TOGARAM2: variants seen among roughly 807,000 people sequenced by gnomAD.
TOGARAM2 encodes TOG array regulator of axonemal microtubules 2, also known as TOG array regulator of axonemal microtubules protein 2.
A neutral mutation model predicts 93.3 loss-of-function variants in TOGARAM2; 85 were observed. The observed-to-expected ratio is 0.91, with a 90% CI of 0.76 to 1.09. TOGARAM2 has a LOEUF of 1.09. TOGARAM2 is among the 50% of genes least tolerant of loss of function. The pLI is 0.00. For synonymous variants in TOGARAM2, 593 were observed against 552.8 expected (o/e 1.07, Z -1.02); for missense variants, 1,277 against 1,334.5 (o/e 0.96, Z 0.67).
chr2:29,015,635 A>G (rs963267657), intron 8 of TOGARAM2, among the ~76,000 whole-genome samples: 2 of 152,176 alleles, frequency 1.3e-5, no homozygotes, highest in African/African-American at 4.8e-5. Context: ...AACTGCCCAC[A>G]TTGGAGTTGC....
chr2:29,008,342 A>G (rs1664012493), intron 6 of TOGARAM2, among the ~76,000 whole-genome samples: 4 of 152,050 alleles, frequency 2.6e-5, no homozygotes, highest in Non-Finnish European at 5.9e-5. Context: ...GTAGAGCTGC[A>G]GTTTCATCAC....
chr2:29,002,339 C>A (rs565790269), intron 4 of TOGARAM2, among the ~76,000 whole-genome samples, 197 bp from the exon 5 acceptor site: 35 of 152,304 alleles, frequency 2.3e-4, no homozygotes, highest in Middle Eastern at 6.8e-3. Flanking sequence ...TGGATTGGCC[C>A]TTTCTGGAAT....
chr2:28,969,329 C>A (rs2148220733), intron 1 of TOGARAM2, among the ~76,000 whole-genome samples: 1 of 152,298 alleles, frequency 6.6e-6, no homozygotes. Context: ...GGCCACACAG[C>A]ATTTGTAGCT....
At chr2:29,007,279 AGAGACAGGGAGGTT>A (rs1663941997) in intron 6 of TOGARAM2, among the ~76,000 whole-genome samples, 1 of 152,122 alleles carries the variant, frequency 6.6e-6, no homozygotes, top group South Asian at 2.1e-4. Context: ...CACCAGAGGG[AGAGACAGGGAGGTT>A]GTGCCACCAT....
chr2:29,021,446 ACCT>A, intron 10 of TOGARAM2, among the ~76,000 whole-genome samples: 1 of 152,220 alleles, frequency 6.6e-6, no homozygotes, highest in East Asian at 1.9e-4. Context: ...GGCCTCTGGG[ACCT>A]CAACTGTGTG....
intron 18 of TOGARAM2, among the ~76,000 whole-genome samples, chr2:29,040,148 A>C (rs902360657): frequency 1.3e-5 from 2 of 152,236 alleles, no homozygotes; most frequent in African/African-American, 4.8e-5. Flanking sequence ...GCTTAAAAAT[A>C]TCTCTTCTAT....
At chr2:29,004,342 A>C (rs13034535) in intron 6 of TOGARAM2, among the ~76,000 whole-genome samples, 112,263 of 152,114 alleles carry the variant, frequency 0.74, 42,932 homozygotes, top group Non-Finnish European at 0.85. Flanking sequence ...GTAATTAAAT[A>C]TTTTCTTAAT....
chr2:28,975,495 C>T (rs921309904), intron 1 of TOGARAM2, among the ~76,000 whole-genome samples: 13 of 152,098 alleles, frequency 8.5e-5, no homozygotes, highest in African/African-American at 1.4e-4. Flanking sequence ...CCACTGCGCC[C>T]GGCCGAGACA....
At chr2:29,034,863 A>T (rs1363917037) in intron 16 of TOGARAM2, among the ~76,000 whole-genome samples, 1 of 152,136 alleles carries the variant, frequency 6.6e-6, no homozygotes, top group African/African-American at 2.4e-5. Context: ...TTAAATGTGC[A>T]CCAGTTGGCC....
chr2:28,980,281 G>A (rs1464975655), upstream of TOGARAM2, among the ~76,000 whole-genome samples: 1 of 152,178 alleles, frequency 6.6e-6, no homozygotes, highest in African/African-American at 2.4e-5. Context: ...CCCAAGGCCT[G>A]CCCTCCCTGG....
chr2:28,975,882 C>G (rs886783592), intron 1 of TOGARAM2, among the ~76,000 whole-genome samples: 1 of 152,118 alleles, frequency 6.6e-6, no homozygotes, highest in Non-Finnish European at 1.5e-5. Flanking sequence ...TGCCTTTCCT[C>G]ATTGCTGATG....
intron 19 of TOGARAM2, chr2:29,047,164 C>G (rs1290511177): frequency 6.6e-6 from 1 of 152,614 alleles, no homozygotes; most frequent in African/African-American, 2.4e-5. Context: ...GGAGTGGCCT[C>G]TTACCTTACG....
chr2:28,962,175 A>G (rs1199723847), intron 1 of TOGARAM2, among the ~76,000 whole-genome samples: 1 of 151,372 alleles, frequency 6.6e-6, no homozygotes, highest in Non-Finnish European at 1.5e-5. Context: ...ATATACATAC[A>G]TAGTTTTTTT....
At chr2:28,971,042 C>G (rs1368091330) in intron 1 of TOGARAM2, 1 of 152,212 alleles carries the variant, frequency 6.6e-6, no homozygotes, top group Non-Finnish European at 1.5e-5. Context: ...CTGGAGCCAG[C>G]AGGCCTGGAG....
chr2:29,002,416 C>G (rs1673352856), intron 4 of TOGARAM2, 120 bp from the exon 5 acceptor site: 1 of 831,360 alleles, frequency 1.2e-6, no homozygotes, highest in South Asian at 1.7e-5. Flanking sequence ...CAGATCTGAT[C>G]TCTCTCCTCG....
chr2:28,993,343 C>T (rs764963685), intron 1 of TOGARAM2, among the ~76,000 whole-genome samples: 1 of 152,194 alleles, frequency 6.6e-6, no homozygotes, highest in Non-Finnish European at 1.5e-5. Flanking sequence ...AGCTTGTTTG[C>T]TATAATTCAG....
intron 1 of TOGARAM2, among the ~76,000 whole-genome samples, chr2:28,958,870 C>A (rs142049969): frequency 8.5e-5 from 13 of 152,264 alleles, no homozygotes; most frequent in African/African-American, 3.1e-4. Flanking sequence ...TGGTTCTGGC[C>A]GCCTCCTGTC....
intron 2 of TOGARAM2, among the ~76,000 whole-genome samples, chr2:28,997,228 A>G (rs1673036764): frequency 1.6e-5 from 1 of 63,326 alleles, no homozygotes; most frequent in African/African-American, 3.2e-5. Context: ...ACCAGAATAT[A>G]TAAGGAACTC....
chr2:29,005,617 G>T (rs1558423103), intron 6 of TOGARAM2, among the ~76,000 whole-genome samples: 1 of 32,982 alleles, frequency 3.0e-5, no homozygotes, highest in Non-Finnish European at 1.1e-4. Flanking sequence ...GCATGTGAGT[G>T]CATGTGTGGA....
Sources: allele counts gnomAD v4.1 joint callset (sites outside exome capture counted in the v4.1 genomes callset), GRCh38; gene constraint gnomAD v4.1.1; transcripts MANE v1.5; gene names NCBI Gene and HGNC (gene_info 2026-07-23, HGNC 2026-07-21).